Variants in DLGAP1 observed in about 807,000 individuals in gnomAD.
DLGAP1 encodes DLG associated protein 1, also known as disks large-associated protein 1.
Under a neutral mutation model 90.8 loss-of-function variants are expected in DLGAP1, and 11 were observed. The observed-to-expected ratio is 0.12, with a 90% CI of 0.08 to 0.20. The LOEUF (loss-of-function observed/expected upper bound fraction) is 0.20, where lower values mean the gene tolerates loss of function less well. Ranked by LOEUF, DLGAP1 falls within the 10% of genes least tolerant of loss-of-function variation. The pLI, the probability that DLGAP1 is intolerant of heterozygous loss-of-function variation, is 1.00. For synonymous variants in DLGAP1, 558 were observed against 540.7 expected (o/e 1.03, Z -0.44); for missense variants, 1,050 against 1,333.8 (o/e 0.79, Z 3.31).
chr18:4,021,857 C>T (rs561969903), intron 2 of DLGAP1, among the ~76,000 whole-genome samples: 1 of 152,296 alleles, frequency 6.6e-6, no homozygotes, highest in African/African-American at 2.4e-5. Flanking sequence ...TCTCAGCCTC[C>T]CAAAGTGCTG....
In DLGAP1 at chr18:3,762,282, G is replaced by A. The variant is rs377563585; in HGVS notation, c.1173-19770C>T. Among the ~76,000 whole-genome samples the A allele has an allele frequency of 3.9e-5, 6 of 152,300 alleles. No homozygotes were observed. In the East Asian group the frequency reaches 1.2e-3, roughly 29 times the overall value. ...TGAAAGACTGTTGACAACAGTATCA[G>A]TTTATGAACCAGTAAGAAAAGAAAT... On this transcript the variant is annotated intron_variant, in intron 5 of 12. Coordinates refer to ENST00000315677, the MANE Select transcript of DLGAP1 (RefSeq NM_004746.4).
intron 2 of DLGAP1, among the ~76,000 whole-genome samples, chr18:4,011,868 T>TA (rs957181740): frequency 6.0e-5 from 9 of 150,606 alleles, no homozygotes; most frequent in South Asian, 4.2e-4. Context: ...AAAACCAAAT[T>TA]AAAAAAAAAT....
intron 1 of DLGAP1, among the ~76,000 whole-genome samples, chr18:4,292,601 C>T (rs1457863939): frequency 6.6e-6 from 1 of 152,048 alleles, no homozygotes; most frequent in African/African-American, 2.4e-5. Context: ...AAAGATTGCT[C>T]TTTAATTATG....
chr18:4,239,126 C>T (rs1246046025), intron 1 of DLGAP1, among the ~76,000 whole-genome samples: 2 of 152,088 alleles, frequency 1.3e-5, no homozygotes, highest in African/African-American at 2.4e-5. Context: ...CGTACAGCAG[C>T]TCTGATTGCA....
intron 1 of DLGAP1, among the ~76,000 whole-genome samples, chr18:4,221,585 T>A (rs960779332): frequency 6.6e-6 from 1 of 152,140 alleles, no homozygotes; most frequent in Admixed American, 6.6e-5. Flanking sequence ...GAATAACACC[T>A]GCTGCTTCAC....
intron 5 of DLGAP1, among the ~76,000 whole-genome samples, chr18:3,796,570 C>A (rs1002559922): frequency 6.6e-6 from 1 of 152,172 alleles, no homozygotes; most frequent in African/African-American, 2.4e-5. Flanking sequence ...AGAGAGGGAA[C>A]ATGCGCTGAG....
chr18:4,372,397 T>C (rs924401113), intron 1 of DLGAP1, among the ~76,000 whole-genome samples: 3 of 152,178 alleles, frequency 2.0e-5, no homozygotes, highest in African/African-American at 7.2e-5. Context: ...TTCAGTTGAG[T>C]GACGACATGA....
At chr18:4,331,045 T>C (rs757080009) in intron 1 of DLGAP1, among the ~76,000 whole-genome samples, 20 of 151,986 alleles carry the variant, frequency 1.3e-4, no homozygotes, top group Non-Finnish European at 2.8e-4. Flanking sequence ...CGTTTAGGAC[T>C]GGAATGTCCT....
intron 7 of DLGAP1, among the ~76,000 whole-genome samples, chr18:3,658,915 G>A (rs964731083): frequency 1.3e-5 from 2 of 152,304 alleles, no homozygotes; most frequent in African/African-American, 2.4e-5. Flanking sequence ...GAAGACAGGG[G>A]TGGCAGTGAA....
At chr18:3,666,523 G>T (rs1170307430) in intron 7 of DLGAP1, among the ~76,000 whole-genome samples, 1 of 152,188 alleles carries the variant, frequency 6.6e-6, no homozygotes, top group Non-Finnish European at 1.5e-5. Flanking sequence ...ATCCGAGGAA[G>T]GATGCAGCTC....
intron 2 of DLGAP1, among the ~76,000 whole-genome samples, chr18:4,076,157 T>C (rs567053059): frequency 1.3e-5 from 2 of 152,298 alleles, no homozygotes; most frequent in South Asian, 4.1e-4. Flanking sequence ...TTTAGTTTCC[T>C]CCCAATGTGC....
chr18:3,529,450 G>T (rs2051852765), intron 10 of DLGAP1, among the ~76,000 whole-genome samples: 1 of 152,196 alleles, frequency 6.6e-6, no homozygotes, highest in Non-Finnish European at 1.5e-5. Flanking sequence ...TGAAAGGACT[G>T]AGGTATTACT....
intron 5 of DLGAP1, among the ~76,000 whole-genome samples, chr18:3,785,737 G>A (rs1335292657): frequency 6.6e-6 from 1 of 152,186 alleles, no homozygotes; most frequent in Admixed American, 6.5e-5. Context: ...AGGGATGGGA[G>A]GTGGAAGGCA....
intron 2 of DLGAP1, among the ~76,000 whole-genome samples, chr18:4,106,917 G>A (rs4798172): frequency 0.15 from 22,903 of 152,092 alleles, 2,055 homozygotes; most frequent in East Asian, 0.36. Context: ...AGATCAATCC[G>A]GAGTGTATAA....
Position 4,342,619 on chromosome 18 carries a change from A to G in DLGAP1, c.-267+112387T>C, listed in dbSNP as rs1259319197. ...TGGCTTAGGCTGAGATTACACAAAG[A>G]GGGAAATTAGCTCTATTGAAAATGT... On this transcript the variant is annotated intron_variant, in intron 1 of 12. Transcript: ENST00000315677. This position sits in a 1 kb window ranked among gnomAD's most constrained non-coding sequence, Gnocchi z 5.8. Among the ~76,000 whole-genome samples the G allele has an allele frequency of 6.6e-6, 1 of 152,198 alleles. No homozygotes were observed.
At chr18:4,081,531 C>T (rs1332651610) in intron 2 of DLGAP1, among the ~76,000 whole-genome samples, 1 of 152,140 alleles carries the variant, frequency 6.6e-6, no homozygotes, top group Non-Finnish European at 1.5e-5. Flanking sequence ...TCTGACCCAT[C>T]CCTCACCCAC....
chr18:4,131,228 AAG>A (rs60026572), intron 2 of DLGAP1, among the ~76,000 whole-genome samples: 10,614 of 152,188 alleles, frequency 0.07, 462 homozygotes, highest in Non-Finnish European at 0.1. Context: ...AAGCACGTGT[AAG>A]AGAGAGAGCA....
intron 9 of DLGAP1, among the ~76,000 whole-genome samples, chr18:3,536,396 G>T (rs2052382434): frequency 6.6e-6 from 1 of 151,726 alleles, no homozygotes; most frequent in Non-Finnish European, 1.5e-5. Flanking sequence ...TCTAATTTTT[G>T]TATTTTTAGT....
chr18:3,593,514 C>T (rs1411501344), intron 7 of DLGAP1, among the ~76,000 whole-genome samples: 1 of 152,162 alleles, frequency 6.6e-6, no homozygotes, highest in African/African-American at 2.4e-5. Context: ...CTCCCAGTTA[C>T]ATCCTCCACG....
Sources: allele counts gnomAD v4.1 joint callset (sites outside exome capture counted in the v4.1 genomes callset), GRCh38; gene constraint gnomAD v4.1.1; non-coding constraint Gnocchi (gnomAD v3.1); transcripts MANE v1.5; gene names NCBI Gene and HGNC (gene_info 2026-07-23, HGNC 2026-07-21).